POLR3B: variants seen among roughly 807,000 people sequenced by gnomAD.
POLR3B encodes RNA polymerase III subunit B.
Under a neutral mutation model 147.4 loss-of-function variants are expected in POLR3B, and 96 were observed. The observed-to-expected ratio is 0.65, with a 90% CI of 0.55 to 0.77. The LOEUF is 0.77. Ranked by LOEUF, POLR3B falls within the 30% of genes least tolerant of loss-of-function variation. POLR3B has a pLI of 0.00. For missense variants in POLR3B, 1,036 were observed against 1,413.5 expected (o/e 0.73, Z 4.28); for synonymous variants, 461 against 485.9 (o/e 0.95, Z 0.67).
intron 6 of POLR3B, 92 bp downstream of exon 6, chr12:106,369,775 C>A (rs1209770621): frequency 2.6e-5 from 21 of 817,084 alleles, no homozygotes; most frequent in Non-Finnish European, 4.0e-5. Flanking sequence ...GCAGGAAATG[C>A]TGCCTATTTC....
intron 15 of POLR3B, 58 bp downstream of exon 15, chr12:106,432,538 T>C: frequency 1.3e-5 from 17 of 1,277,900 alleles, no homozygotes; most frequent in Non-Finnish European, 1.8e-5. Context: ...GGGGAGGGAA[T>C]CCATTATTAT....
chr12:106,460,828 A>G (rs2037923584), intron 22 of POLR3B, among the ~76,000 whole-genome samples: 1 of 152,192 alleles, frequency 6.6e-6, no homozygotes, highest in Non-Finnish European at 1.5e-5. Flanking sequence ...TCCACAGGCT[A>G]GAAAATGTGC....
Position 106,366,361 on chromosome 12 carries a change from A to G in POLR3B, c.106-155A>G, listed in dbSNP as rs190249858. Among the ~76,000 whole-genome samples, 88 of 152,336 alleles carry G rather than the reference A, an allele frequency of 5.8e-4. 2 individuals carry two copies. Among genetic ancestry groups the G allele is most frequent in the Admixed American group, 5.4e-3 (83 of 15,310 alleles). ...ATGCATTAATGAAAAGATTTATTAA[A>G]TAAAATTCATGGATTATTTTTCTCA... is the stretch of plus-strand genomic sequence containing the variant. On this transcript the variant is annotated intron_variant, in intron 2 of 27. Coordinates refer to ENST00000228347, the MANE Select transcript of POLR3B (RefSeq NM_018082.6).
At chr12:106,387,633 T>C (rs2036858694) in intron 9 of POLR3B, among the ~76,000 whole-genome samples, 1 of 152,192 alleles carries the variant, frequency 6.6e-6, no homozygotes, top group Non-Finnish European at 1.5e-5. Flanking sequence ...TTTAATAAAT[T>C]GATGGGAATT....
At chr12:106,468,878 G>A (rs1845758571) in intron 23 of POLR3B, among the ~76,000 whole-genome samples, 1 of 152,124 alleles carries the variant, frequency 6.6e-6, no homozygotes, top group Admixed American at 6.6e-5. Flanking sequence ...GTCAATTTTA[G>A]AATAAGTGCG....
At chr12:106,393,009 C>T (rs368107762) in intron 9 of POLR3B, 22 bp from the exon 10 acceptor site, 3 of 1,613,982 alleles carry the variant, frequency 1.9e-6, no homozygotes, top group Admixed American at 3.3e-5. Context: ...AACACTCTTT[C>T]TATCTTTTCT....
intron 12 of POLR3B, among the ~76,000 whole-genome samples, chr12:106,418,490 G>A (rs1000681836): frequency 2.0e-5 from 3 of 152,172 alleles, no homozygotes; most frequent in Non-Finnish European, 4.4e-5. Flanking sequence ...CACTCTGTAG[G>A]CTTAAACACT....
chr12:106,475,880 G>T (rs1253734966), intron 23 of POLR3B, among the ~76,000 whole-genome samples: 8 of 151,108 alleles, frequency 5.3e-5, no homozygotes, highest in African/African-American at 2.0e-4. Context: ...AAAGTTAATA[G>T]TGTTATGTGT....
chr12:106,394,062 C>G (rs10746060), intron 10 of POLR3B, among the ~76,000 whole-genome samples: 51,150 of 151,984 alleles, frequency 0.34, 11,439 homozygotes, highest in African/African-American at 0.64. Context: ...TTCTCTTCAC[C>G]CAGGATGCTT....
chr12:106,500,901 G>A (rs2038589910), intron 25 of POLR3B, among the ~76,000 whole-genome samples: 1 of 152,216 alleles, frequency 6.6e-6, no homozygotes. Flanking sequence ...GTTCAGGACA[G>A]AAGAATGACC....
At chr12:106,487,485 G>C (rs915468004) in intron 23 of POLR3B, among the ~76,000 whole-genome samples, 1 of 152,144 alleles carries the variant, frequency 6.6e-6, no homozygotes, top group Non-Finnish European at 1.5e-5. Flanking sequence ...TCTCCATTTA[G>C]AGCATTAAAT....
intron 27 of POLR3B, among the ~76,000 whole-genome samples, chr12:106,505,879 C>T (rs2038679569): frequency 6.6e-6 from 1 of 152,224 alleles, no homozygotes; most frequent in Non-Finnish European, 1.5e-5. Flanking sequence ...AAAAGCCAAT[C>T]ACAAGTTGAA....
intron 20 of POLR3B, among the ~76,000 whole-genome samples, chr12:106,455,057 ATAT>A (rs2037847221): frequency 6.6e-6 from 1 of 152,218 alleles, no homozygotes; most frequent in Non-Finnish European, 1.5e-5. Flanking sequence ...CTAGTGATAC[ATAT>A]TATTAACAAC....
At chr12:106,397,511 T>G (rs2036996292) in intron 10 of POLR3B, among the ~76,000 whole-genome samples, 2 of 152,190 alleles carry the variant, frequency 1.3e-5, no homozygotes, top group South Asian at 2.1e-4. Flanking sequence ...GAATTAGGCA[T>G]CATAGTTTAG....
chr12:106,408,590 A>G (rs189748076), intron 11 of POLR3B, among the ~76,000 whole-genome samples: 1 of 152,138 alleles, frequency 6.6e-6, no homozygotes, highest in East Asian at 1.9e-4. Flanking sequence ...TAAGTCCCAG[A>G]CCACTCTTTC....
intron 23 of POLR3B, among the ~76,000 whole-genome samples, chr12:106,493,487 T>A (rs899613153): frequency 6.6e-6 from 1 of 152,220 alleles, no homozygotes; most frequent in African/African-American, 2.4e-5. Flanking sequence ...TTAAAAATCA[T>A]CTGTCTAATT....
At chr12:106,383,619 A>G (rs1332874208) in intron 9 of POLR3B, among the ~76,000 whole-genome samples, 2 of 152,142 alleles carry the variant, frequency 1.3e-5, no homozygotes, top group Non-Finnish European at 2.9e-5. Context: ...ACATTTATAG[A>G]TTAAATTTTT....
At position 106,402,610 on chromosome 12, in the gene POLR3B, A is replaced by G. The variant is rs565143316; in HGVS notation, c.847-3247A>G. On this transcript the variant is annotated intron_variant, in intron 10 of 27. Transcript: ENST00000228347. ...AGCATGGTACTGGTACCAAAACAGA[A>G]ATATCGACCAATGGAACAGAACAGA... Among the ~76,000 whole-genome samples the G allele has an allele frequency of 1.2e-4, 18 of 152,256 alleles. No homozygotes were observed. In the East Asian group the frequency reaches 3.5e-3, roughly 29 times the overall value.
In POLR3B at chr12:106,357,758, A is replaced by G; in HGVS notation, c.-122A>G. On this transcript the variant is annotated 5_prime_UTR_variant, in exon 1 of 28. Transcript: ENST00000228347. Reference sequence around the variant, plus strand: ...GAACCTTTCTACCGCGTCTCTAGCTAACACGCACGGCGGGGACAGTTTAGG... The same window carrying G: ...GAACCTTTCTACCGCGTCTCTAGCTGACACGCACGGCGGGGACAGTTTAGG... The G allele has an allele frequency of 3.0e-6, 3 of 986,970 alleles. No homozygotes were observed. Among genetic ancestry groups the G allele is most frequent in the Non-Finnish European group, 4.7e-6 (3 of 637,496 alleles). The allele number at this position is 986,970 out of a possible 1,614,324, so 61.1% of individuals were successfully genotyped here.
Sources: allele counts gnomAD v4.1 joint callset (sites outside exome capture counted in the v4.1 genomes callset), GRCh38; gene constraint gnomAD v4.1.1; transcripts MANE v1.5; gene names NCBI Gene and HGNC (gene_info 2026-07-23, HGNC 2026-07-21).